Variants in LINGO2 observed in about 807,000 individuals in gnomAD.
LINGO2 encodes the protein leucine-rich repeat and immunoglobulin-like domain-containing nogo receptor-interacting protein 2.
Under a neutral mutation model 30.6 loss-of-function variants are expected in LINGO2, and 14 were observed. The observed-to-expected ratio is 0.46, with a 90% confidence interval of 0.30 to 0.72. The LOEUF (loss-of-function observed/expected upper bound fraction) is 0.72, where lower values mean the gene tolerates loss of function less well. Among genes scored for constraint, LINGO2 ranks in the 30% least tolerant of loss-of-function variants. The pLI, the probability that LINGO2 is intolerant of heterozygous loss-of-function variation, is 0.07. For missense variants in LINGO2, 729 were observed against 751.7 expected (o/e 0.97, Z 0.35); for synonymous variants, 317 against 288.5 (o/e 1.10, Z -1.00).
At chr9:28,436,600 G>A (rs148810856) in intron 2 of LINGO2, among the ~76,000 whole-genome samples, 29 of 152,172 alleles carry the variant, frequency 1.9e-4, no homozygotes, top group African/African-American at 7.0e-4. Context: ...TGGTACTACA[G>A]GTGCCCGCCA....
At chr9:29,086,796 C>G in the LINGO2 span, among the ~76,000 whole-genome samples, 1 of 151,966 alleles carries the variant, frequency 6.6e-6, no homozygotes, top group Non-Finnish European at 1.5e-5. Flanking sequence ...TAAATCTTGT[C>G]TCAGAGGTTT....
At chr9:28,139,563 T>C (rs185180955) in intron 4 of LINGO2, among the ~76,000 whole-genome samples, 150 of 152,328 alleles carry the variant, frequency 9.8e-4, no homozygotes, top group Middle Eastern at 6.8e-3. Flanking sequence ...CATTTTTCCA[T>C]GGCTAACAAT....
chr9:28,964,439 G>A, the LINGO2 span, among the ~76,000 whole-genome samples: 4 of 151,936 alleles, frequency 2.6e-5, no homozygotes, highest in Non-Finnish European at 5.9e-5. Flanking sequence ...ATTGAGGCAA[G>A]AAGCATCATG....
chr9:29,203,211 AC>A, the LINGO2 span, among the ~76,000 whole-genome samples: 2 of 152,180 alleles, frequency 1.3e-5, no homozygotes, highest in South Asian at 4.1e-4. Flanking sequence ...GTAATGGACT[AC>A]CATCAATCTA....
the LINGO2 span, among the ~76,000 whole-genome samples, chr9:28,848,353 T>C: frequency 9.4e-3 from 1,066 of 112,962 alleles, 4 homozygotes; most frequent in Middle Eastern, 0.025. Flanking sequence ...TATATATATA[T>C]ACACATATAT....
chr9:28,687,769 A>G, the LINGO2 span, among the ~76,000 whole-genome samples: 3 of 152,064 alleles, frequency 2.0e-5, no homozygotes, highest in African/African-American at 7.2e-5. Context: ...GTTTATTTTT[A>G]TTCAGCTGTT....
intron 1 of LINGO2, among the ~76,000 whole-genome samples, chr9:28,479,276 A>G (rs745768974): frequency 6.6e-5 from 10 of 151,934 alleles, no homozygotes; most frequent in Non-Finnish European, 1.5e-4. Flanking sequence ...TTGTTTTTAT[A>G]ATCAAGGGAA....
the LINGO2 span, among the ~76,000 whole-genome samples, chr9:28,984,411 T>A: frequency 2.0e-5 from 3 of 152,080 alleles, no homozygotes; most frequent in African/African-American, 7.2e-5. Flanking sequence ...ATCTACTGTT[T>A]TAATTTTATC....
At chr9:28,308,976 T>C (rs1482294857) in intron 3 of LINGO2, among the ~76,000 whole-genome samples, 2 of 152,120 alleles carry the variant, frequency 1.3e-5, no homozygotes, top group African/African-American at 2.4e-5. Context: ...ACTTTTACAC[T>C]GTTGGTGGGA....
intron 4 of LINGO2, among the ~76,000 whole-genome samples, chr9:28,168,681 T>C (rs1246997312): frequency 1.3e-5 from 2 of 152,242 alleles, no homozygotes; most frequent in Non-Finnish European, 2.9e-5. Context: ...CATATTGCTC[T>C]AAAGGTACAT....
intron 1 of LINGO2, among the ~76,000 whole-genome samples, chr9:28,486,607 A>T (rs1826174045): frequency 6.6e-6 from 1 of 152,082 alleles, no homozygotes; most frequent in Admixed American, 6.6e-5. Flanking sequence ...TATTGCTCAG[A>T]TTTCCTTTTA....
intron 4 of LINGO2, among the ~76,000 whole-genome samples, chr9:28,075,663 A>G (rs1418610072): frequency 6.6e-6 from 1 of 151,972 alleles, no homozygotes. Context: ...ATGAGACTGA[A>G]TATCTTTTCA....
At chr9:28,905,209 T>A in the LINGO2 span, among the ~76,000 whole-genome samples, 6 of 150,928 alleles carry the variant, frequency 4.0e-5, no homozygotes, top group Non-Finnish European at 7.4e-5. Context: ...ACGCCATTGG[T>A]CTAGGAAATA....
the LINGO2 span, among the ~76,000 whole-genome samples, chr9:29,101,129 CA>C: frequency 3.3e-5 from 5 of 152,068 alleles, no homozygotes; most frequent in East Asian, 3.9e-4. Flanking sequence ...ATAACTTTAG[CA>C]AGGTCATTTA....
upstream of LINGO2, among the ~76,000 whole-genome samples, chr9:28,671,202 G>T (rs535133877): frequency 5.9e-5 from 9 of 152,000 alleles, no homozygotes; most frequent in South Asian, 1.9e-3. Flanking sequence ...CAGCACCATG[G>T]ACGTCTGCTC....
intron 4 of LINGO2, among the ~76,000 whole-genome samples, chr9:28,248,329 T>A (rs1044987340): frequency 6.6e-6 from 1 of 152,272 alleles, no homozygotes; most frequent in Non-Finnish European, 1.5e-5. Flanking sequence ...CTGGAAGTCA[T>A]TATGTTAAGT....
intron 5 of LINGO2, among the ~76,000 whole-genome samples, chr9:27,958,922 A>G (rs549845843): frequency 6.6e-6 from 1 of 152,242 alleles, no homozygotes; most frequent in East Asian, 1.9e-4. Context: ...CAGACCCTAG[A>G]ATTTCTGTGT....
intron 1 of LINGO2, among the ~76,000 whole-genome samples, chr9:28,506,399 CAT>C (rs371821368): frequency 8.4e-4 from 22 of 26,150 alleles, no homozygotes; most frequent in African/African-American, 1.7e-3. Context: ...GCTTCTTAGA[CAT>C]ATATATATAT....
chr9:28,275,388 T>C (rs1823082334), intron 4 of LINGO2, among the ~76,000 whole-genome samples: 1 of 151,992 alleles, frequency 6.6e-6, no homozygotes, highest in Non-Finnish European at 1.5e-5. Flanking sequence ...GTCTATTTTC[T>C]AAGTATACCA....
Sources: gnomAD v4.1 joint callset for allele counts (sites outside exome capture counted in the v4.1 genomes callset) on GRCh38, gnomAD v4.1.1 for gene constraint, MANE v1.5 for transcripts, NCBI Gene and HGNC (gene_info 2026-07-23, HGNC 2026-07-21) for gene names.